Variants in RANBP2 observed in about 807,000 individuals in gnomAD.
RANBP2 encodes the protein E3 SUMO-protein ligase RanBP2.
A neutral mutation model predicts 303.6 loss-of-function variants in RANBP2; 57 were observed. The ratio of observed to expected loss-of-function variants is 0.19; its 90% confidence interval spans 0.15 to 0.23. The LOEUF (loss-of-function observed/expected upper bound fraction) is 0.23, where lower values mean the gene tolerates loss of function less well. RANBP2 is among the 10% of genes least tolerant of loss of function. The pLI, the probability that RANBP2 is intolerant of heterozygous loss-of-function variation, is 1.00. For missense variants in RANBP2, 3,138 were observed against 3,780.8 expected, an observed-to-expected ratio of 0.83 and a Z score of 4.46; for synonymous variants, 1,167 against 1,301.5, an observed-to-expected ratio of 0.90 and a Z score of 2.23.
At chr2:109,029,797 C>CTT in the RANBP2 span, among the ~76,000 whole-genome samples, 2 of 152,202 alleles carry the variant, frequency 1.3e-5, no homozygotes, top group Non-Finnish European at 2.9e-5. Flanking sequence ...TTGCCAGCAA[C>CTT]TTAAGCCTAA....
the RANBP2 span, among the ~76,000 whole-genome samples, chr2:109,410,509 T>C: frequency 5.3e-5 from 8 of 152,164 alleles, no homozygotes; most frequent in Non-Finnish European, 1.2e-4. Flanking sequence ...CAGGCCATCC[T>C]CTCCTACCTG....
chr2:109,307,584 C>A, the RANBP2 span, among the ~76,000 whole-genome samples: 1 of 123,262 alleles, frequency 8.1e-6, no homozygotes, highest in Middle Eastern at 3.7e-3. Context: ...TCCCCCCACC[C>A]CACCACAGTC....
chr2:109,091,373 C>A, the RANBP2 span, among the ~76,000 whole-genome samples: 1 of 151,932 alleles, frequency 6.6e-6, no homozygotes, highest in Non-Finnish European at 1.5e-5. Flanking sequence ...TTAGTCCTGC[C>A]CCTGATTAGA....
At chr2:109,419,428 A>G in the RANBP2 span, 7 of 1,153,958 alleles carry the variant, frequency 6.1e-6, no homozygotes, top group Admixed American at 4.2e-5. Context: ...CCAAACAGCC[A>G]GGCAGCTGGC....
the RANBP2 span, among the ~76,000 whole-genome samples, chr2:109,748,675 C>T: frequency 2.7e-5 from 4 of 146,582 alleles, no homozygotes; most frequent in South Asian, 2.2e-4. Context: ...GCGTTCAAAA[C>T]CAGCCTGGCC....
chr2:109,497,853 A>G, the RANBP2 span, among the ~76,000 whole-genome samples: 1 of 152,274 alleles, frequency 6.6e-6, no homozygotes, highest in African/African-American at 2.4e-5. Context: ...AGTTGAGGCA[A>G]AAGCCAAAAC....
chr2:109,070,552 G>A, the RANBP2 span, among the ~76,000 whole-genome samples: 2 of 152,084 alleles, frequency 1.3e-5, no homozygotes, highest in Admixed American at 1.3e-4. Context: ...GTTCACATGA[G>A]ATCTGCCTGT....
chr2:109,043,377 C>T, the RANBP2 span, among the ~76,000 whole-genome samples: 1 of 151,282 alleles, frequency 6.6e-6, no homozygotes, highest in East Asian at 1.9e-4. Context: ...GAGTCTTCTT[C>T]TGTCCCCCAG....
the RANBP2 span, chr2:108,923,534 G>A: frequency 7.5e-7 from 1 of 1,338,624 alleles, no homozygotes; most frequent in Non-Finnish European, 1.1e-6. Context: ...GAGCACGGTG[G>A]CCAGTCTGCA....
chr2:108,785,110 C>T lies in RANBP2; in HGVS notation c.*1209C>T, dbSNP rs1678519570. The T allele has an allele frequency of 6.6e-6, 1 of 152,190 alleles. No individual in the cohort carries two copies. Among genetic ancestry groups the T allele is most frequent in the Non-Finnish European group, 1.5e-5 (1 of 68,034 alleles). 9.4% of individuals were successfully genotyped at this position (152,190 alleles called of 1,614,324 possible). A position where few individuals can be genotyped will look rare whatever the true frequency, so the allele number is the denominator to read the frequency against. ...TGTGTTCTTTCGGGTGAAATTACCT[C>T]ATTTTATTTAGTGAGGAAAGACAGG... On this transcript the variant is annotated 3_prime_UTR_variant, in exon 29 of 29. Coordinates refer to ENST00000283195, the MANE Select transcript of RANBP2 (RefSeq NM_006267.5).
chr2:109,629,806 G>A, the RANBP2 span, among the ~76,000 whole-genome samples: 794 of 151,084 alleles, frequency 5.3e-3, 11 homozygotes, highest in African/African-American at 0.018. Flanking sequence ...GCAAGACTCC[G>A]TTTCAAAAAA....
At chr2:109,199,618 G>GAACCCGTGT in the RANBP2 span, among the ~76,000 whole-genome samples, 1 of 234 alleles carries the variant, frequency 4.3e-3, no homozygotes, top group Non-Finnish European at 9.1e-3. Flanking sequence ...GGAATGGAAT[G>GAACCCGTGT]GAATGGAATG....
chr2:109,301,867 G>A, the RANBP2 span, among the ~76,000 whole-genome samples: 27 of 152,268 alleles, frequency 1.8e-4, no homozygotes, highest in Middle Eastern at 6.8e-3. Flanking sequence ...GACAAATGGA[G>A]AGAAGTCTGT....
the RANBP2 span, among the ~76,000 whole-genome samples, chr2:109,703,304 G>C: frequency 1.3e-5 from 2 of 152,192 alleles, no homozygotes; most frequent in African/African-American, 2.4e-5. Context: ...CTGCCACTGA[G>C]CTGTGTTGTG....
the RANBP2 span, among the ~76,000 whole-genome samples, chr2:109,301,240 CG>C: frequency 6.6e-6 from 1 of 151,750 alleles, no homozygotes; most frequent in Admixed American, 6.6e-5. Flanking sequence ...CTCTGTGCAC[CG>C]GGACTCAGAC....
chr2:109,568,866 T>C, the RANBP2 span, among the ~76,000 whole-genome samples: 1 of 152,114 alleles, frequency 6.6e-6, no homozygotes, highest in East Asian at 1.9e-4. Context: ...TGTACTACTA[T>C]CTTAAAAGTG....
the RANBP2 span, among the ~76,000 whole-genome samples, chr2:109,041,526 T>TA: frequency 1.0e-3 from 1 of 978 alleles, no homozygotes; most frequent in African/African-American, 1.1e-3. Context: ...CGGATGTTAA[T>TA]TTTTTTTTTT....
rs1677245218 is a variant in RANBP2, at chr2:108,768,185, T to G, written c.7646T>G (p.Phe2549Cys). ...ACTGGGTCTTTGTTTGGATTTAGTT[T>G]TAATGCACCTTTGAAAAGTAACAAT... ...SATGSLFGFS[F>C]NAPLKSNNSE... The change falls in exon 20 of 29, where the codon TTT becomes TGT. Residue 2549 changes from phenylalanine (F) to cysteine (C), a missense_variant. Coordinates refer to ENST00000283195, the MANE Select transcript of RANBP2 (RefSeq NM_006267.5). 4 of 1,612,026 alleles carry G rather than the reference T, an allele frequency of 2.5e-6. No individual in the cohort carries two copies. The highest frequency in any genetic ancestry group is 3.4e-6 in the Non-Finnish European group (4 of 1,179,854).
the RANBP2 span, among the ~76,000 whole-genome samples, chr2:109,367,955 T>C: frequency 6.6e-6 from 1 of 152,244 alleles, no homozygotes; most frequent in African/African-American, 2.4e-5. Context: ...TGGCCACCAC[T>C]GTGAGTTGGG....
Sources: allele counts gnomAD v4.1 joint callset (sites outside exome capture counted in the v4.1 genomes callset), GRCh38; gene constraint gnomAD v4.1.1; transcripts MANE v1.5; gene names NCBI Gene and HGNC (gene_info 2026-07-23, HGNC 2026-07-21).